Variants in NRXN1 observed in about 807,000 individuals in gnomAD.
NRXN1 encodes the protein neurexin-1.
Under a neutral mutation model 150.9 loss-of-function variants are expected in NRXN1, and 39 were observed. The ratio of observed to expected loss-of-function variants is 0.26; its 90% CI spans 0.20 to 0.34. NRXN1 has a LOEUF of 0.34. Ranked by LOEUF, NRXN1 falls within the 10% of genes least tolerant of loss-of-function variation. The probability of loss-of-function intolerance (pLI) is 1.00; values close to 1 mark genes in which losing one functional copy is unlikely to be tolerated. For synonymous variants in NRXN1, 924 were observed against 757.0 expected (o/e 1.22, Z -3.62); for missense variants, 1,815 against 1,949.9 (o/e 0.93, Z 1.30).
chr2:50,299,913 A>G, intron 17 of NRXN1, among the ~76,000 whole-genome samples: 1 of 152,232 alleles, frequency 6.6e-6, no homozygotes, highest in East Asian at 1.9e-4. Context: ...TGAATTTCAA[A>G]GAATTATGAA....
intron 2 of NRXN1, among the ~76,000 whole-genome samples, chr2:50,935,703 G>C (rs1018567898): frequency 6.6e-6 from 1 of 151,908 alleles, no homozygotes; most frequent in Non-Finnish European, 1.5e-5. Flanking sequence ...CTCCAGCCTA[G>C]GTAACAGGGC....
intron 17 of NRXN1, among the ~76,000 whole-genome samples, chr2:50,387,216 G>GA (rs1266977840): frequency 2.6e-5 from 4 of 152,092 alleles, no homozygotes; most frequent in African/African-American, 9.7e-5. Context: ...TGAAGGAATG[G>GA]AAAAAAGTTT....
intron 2 of NRXN1, among the ~76,000 whole-genome samples, chr2:51,000,116 G>A (rs2193410): frequency 0.65 from 98,551 of 151,676 alleles, 32,696 homozygotes; most frequent in African/African-American, 0.77. Flanking sequence ...CTCCCACTGG[G>A]GTTTTCAAGC....
intron 21 of NRXN1, among the ~76,000 whole-genome samples, chr2:50,034,874 T>C (rs992455638): frequency 1.3e-5 from 2 of 152,132 alleles, no homozygotes; most frequent in Non-Finnish European, 2.9e-5. Context: ...ATAATTTATA[T>C]ATAGTTTCAT....
intron 22 of NRXN1, among the ~76,000 whole-genome samples, chr2:49,927,007 C>G (rs1293854895): frequency 6.6e-6 from 1 of 152,172 alleles, no homozygotes; most frequent in Non-Finnish European, 1.5e-5. Flanking sequence ...TCTTCCAGCT[C>G]CTGAATTATC....
Position 50,582,395 on chromosome 2 carries a change from C to T in NRXN1, c.1321-29370G>A, listed in dbSNP as rs558979806. ...ACTTGGCAGGCTGATGTGGGAGGTT[C>T]GCTTGAGCCAGGGAGGCAGAGGTTG... On this transcript the variant is annotated intron_variant, in intron 8 of 22. Coordinates refer to ENST00000401669, the MANE Select transcript of NRXN1 (RefSeq NM_001330078.2). 2.9e-5 allele frequency among the ~76,000 whole-genome samples: 4 copies of T among 139,718 alleles called. No individual in the cohort carries two copies. The South Asian group carries it at 9.3e-4, about 33-fold the overall frequency. The allele number at this position is 139,718 out of a possible 152,430, so 91.7% of individuals were successfully genotyped here.
intron 17 of NRXN1, among the ~76,000 whole-genome samples, chr2:50,433,783 A>G (rs1162900738): frequency 6.6e-6 from 1 of 151,964 alleles, no homozygotes; most frequent in Non-Finnish European, 1.5e-5. Context: ...GAAAGGAAAG[A>G]AAGGAATATT....
At chr2:50,982,393 T>A (rs1696970006) in intron 2 of NRXN1, among the ~76,000 whole-genome samples, 1 of 152,146 alleles carries the variant, frequency 6.6e-6, no homozygotes, top group African/African-American at 2.4e-5. Context: ...TTTAACTTCA[T>A]CAGTAGTTAA....
At chr2:50,068,629 T>A (rs529656619) in intron 19 of NRXN1, among the ~76,000 whole-genome samples, 1 of 152,332 alleles carries the variant, frequency 6.6e-6, no homozygotes, top group South Asian at 2.1e-4. Flanking sequence ...CCATAATATA[T>A]GCCAATCTCT....
chr2:50,654,036 C>CT (rs1288860889), intron 5 of NRXN1, among the ~76,000 whole-genome samples: 64 of 123,128 alleles, frequency 5.2e-4, no homozygotes, highest in South Asian at 3.1e-3. Flanking sequence ...TTCTTTTTCT[C>CT]TTTTTTTTTA....
At chr2:50,831,402 AT>A (rs1200097634) in intron 5 of NRXN1, among the ~76,000 whole-genome samples, 1 of 152,192 alleles carries the variant, frequency 6.6e-6, no homozygotes, top group African/African-American at 2.4e-5. Context: ...AACATGTCTA[AT>A]TCCCTTTTTA....
chr2:50,859,081 AT>A, intron 5 of NRXN1, among the ~76,000 whole-genome samples: 1 of 152,116 alleles, frequency 6.6e-6, no homozygotes, highest in East Asian at 1.9e-4. Context: ...CCGAGTTGGT[AT>A]TTGAACCTAA....
intron 17 of NRXN1, among the ~76,000 whole-genome samples, chr2:50,406,431 T>C (rs1380379790): frequency 6.6e-6 from 1 of 152,174 alleles, no homozygotes; most frequent in Non-Finnish European, 1.5e-5. Flanking sequence ...CAAAATATTG[T>C]CCCTTACCTC....
chr2:50,913,747 T>C (rs961044528), intron 5 of NRXN1, among the ~76,000 whole-genome samples: 6 of 151,868 alleles, frequency 4.0e-5, no homozygotes, highest in Non-Finnish European at 7.4e-5. Context: ...CGTAGGTACA[T>C]GGCAAACAAG....
At chr2:50,254,002 T>TTTGTAATGGTA (rs1386616518) in intron 17 of NRXN1, among the ~76,000 whole-genome samples, 1 of 151,930 alleles carries the variant, frequency 6.6e-6, no homozygotes, top group Non-Finnish European at 1.5e-5. Context: ...CCAGCTCCCC[T>TTTGTAATGGTA]CTGTATCTCT....
intron 8 of NRXN1, among the ~76,000 whole-genome samples, chr2:50,603,302 T>C (rs957685637): frequency 6.6e-6 from 1 of 152,152 alleles, no homozygotes. Flanking sequence ...CCTGTAAAAC[T>C]TAATGAGAAT....
At chr2:50,914,747 G>A (rs748617376) in intron 5 of NRXN1, among the ~76,000 whole-genome samples, 1 of 151,222 alleles carries the variant, frequency 6.6e-6, no homozygotes, top group African/African-American at 2.4e-5. Context: ...GGAGCAAAAA[G>A]GAAAAAGAAA....
chr2:50,636,069 A>T (rs1237221178), intron 5 of NRXN1, among the ~76,000 whole-genome samples: 1 of 152,310 alleles, frequency 6.6e-6, no homozygotes, highest in East Asian at 1.9e-4. Flanking sequence ...TATTGCCCAG[A>T]ATATCACGAT....
chr2:50,630,162 T>A (rs1315495999), intron 5 of NRXN1, among the ~76,000 whole-genome samples: 2 of 151,616 alleles, frequency 1.3e-5, no homozygotes, highest in Non-Finnish European at 3.0e-5. Flanking sequence ...TCATCTAATT[T>A]TCTGAGAGTA....
Sources: allele counts gnomAD v4.1 joint callset (sites outside exome capture counted in the v4.1 genomes callset), GRCh38; gene constraint gnomAD v4.1.1; transcripts MANE v1.5; gene names NCBI Gene and HGNC (gene_info 2026-07-23, HGNC 2026-07-21).